Variants in CASD1 observed in about 807,000 individuals in gnomAD.
CASD1 encodes the protein N-acetylneuraminate (7)9-O-acetyltransferase.
CASD1 carries 41 observed loss-of-function variants against 100.0 expected under a neutral mutation model. That is an observed-to-expected ratio of 0.41 (90% CI 0.32 to 0.53). The LOEUF (loss-of-function observed/expected upper bound fraction) is 0.53. Ranked by LOEUF, CASD1 falls within the 20% of genes least tolerant of loss-of-function variation. CASD1 has a pLI of 0.25. For missense variants in CASD1, 774 were observed against 948.7 expected (o/e 0.82, Z 2.42); for synonymous variants, 321 against 315.6 (o/e 1.02, Z -0.18).
chr7:94,522,610 C>T (rs1455981784), intron 3 of CASD1, among the ~76,000 whole-genome samples: 3 of 151,950 alleles, frequency 2.0e-5, no homozygotes, highest in Non-Finnish European at 1.5e-5. Flanking sequence ...ACTTTACAAT[C>T]AGGGAAATGT....
At position 94,555,506 on chromosome 7, in the gene CASD1, G is replaced by A; in HGVS notation, c.2142G>A (p.Gln714=). The A allele has an allele frequency of 6.2e-7, 1 of 1,612,508 alleles. No homozygotes were observed. The highest frequency in any genetic ancestry group is 1.7e-5 in the Admixed American group (1 of 59,874). Residue 714 remains glutamine (Q), a synonymous_variant, in exon 18 of 18, where the codon CAG becomes CAA. Transcript: ENST00000297273. ...GKISLELFIC[Q]YHIWLAADTR... is the part of the protein sequence containing the mutation. Reference sequence around the variant, plus strand: ...TTTTCTCCTAGCTATTTATTTGCCAGTATCACATATGGCTGGCAGCGGACA... The same window carrying A: ...TTTTCTCCTAGCTATTTATTTGCCAATATCACATATGGCTGGCAGCGGACA...
chr7:94,559,310 G>GTGTGTGTGTGTA (rs1338360948), downstream of CASD1, among the ~76,000 whole-genome samples: 2 of 125,628 alleles, frequency 1.6e-5, no homozygotes, highest in East Asian at 4.4e-4. Flanking sequence ...GTGTGTATGT[G>GTGTGTGTGTGTA]TGTGTGTGTG....
intron 12 of CASD1, 38 bp from the exon 13 acceptor site, chr7:94,547,058 A>C: frequency 7.6e-7 from 1 of 1,307,754 alleles, no homozygotes; most frequent in Admixed American, 1.9e-5. Context: ...GTCTAATATA[A>C]ATTTATTTTT....
intron 3 of CASD1, among the ~76,000 whole-genome samples, chr7:94,523,752 C>T (rs1424912300): frequency 6.6e-6 from 1 of 152,080 alleles, no homozygotes; most frequent in Non-Finnish European, 1.5e-5. Context: ...ATAACCACAA[C>T]AAATCTGAAG....
At chr7:94,571,544 G>T in the CASD1 span, among the ~76,000 whole-genome samples, 1 of 152,166 alleles carries the variant, frequency 6.6e-6, no homozygotes, top group African/African-American at 2.4e-5. Context: ...AAGAAAATAA[G>T]AAACAGTATT....
Position 94,555,614 on chromosome 7 carries a change from T to A in CASD1, c.2250T>A (p.His750Gln). 6.2e-7 allele frequency: 1 copy of A among 1,613,622 alleles called. No individual in the cohort carries two copies. ...VSTFIFVCVA[H>Q]EISQITNDLA... is the part of the protein sequence containing the mutation. Reference sequence around the variant, plus strand: ...CTTTCATATTTGTTTGTGTGGCACATGAAATTTCTCAGATCACTAATGATC... The same window carrying A: ...CTTTCATATTTGTTTGTGTGGCACAAGAAATTTCTCAGATCACTAATGATC... Residue 750 changes from histidine (H) to glutamine (Q), a missense_variant, in exon 18 of 18, where the codon CAT becomes CAA. His to Gln is a conservative substitution (Grantham distance 24). This residue lies in a region of CASD1 where 175 missense variants were observed against 206.9 expected (regional missense o/e 0.85). Transcript: ENST00000297273.
the CASD1 span, chr7:94,624,419 T>A: frequency 2.6e-6 from 1 of 389,562 alleles, no homozygotes; most frequent in African/African-American, 2.1e-5. Flanking sequence ...AATTTTAAAC[T>A]TTTAACAATG....
chr7:94,532,081 T>C (rs1221860509), intron 5 of CASD1, among the ~76,000 whole-genome samples: 1 of 152,164 alleles, frequency 6.6e-6, no homozygotes, highest in East Asian at 1.9e-4. Context: ...ATAATTGTAC[T>C]GTAATATACT....
At chr7:94,630,236 CT>C in the CASD1 span, among the ~76,000 whole-genome samples, 2 of 151,480 alleles carry the variant, frequency 1.3e-5, no homozygotes, top group Admixed American at 6.6e-5. Context: ...TTCTTCTTTC[CT>C]TTTTTTTAAA....
the CASD1 span, among the ~76,000 whole-genome samples, chr7:94,596,978 TAA>T: frequency 6.6e-6 from 1 of 152,104 alleles, no homozygotes; most frequent in Non-Finnish European, 1.5e-5. Flanking sequence ...TAAAAAGGGA[TAA>T]GAGGTTGTTA....
chr7:94,542,557 T>C (rs1257440178), intron 10 of CASD1, among the ~76,000 whole-genome samples: 1 of 152,198 alleles, frequency 6.6e-6, no homozygotes. Flanking sequence ...AAAAATTACT[T>C]ATGGCTCACA....
rs1299643514 is a variant in CASD1 at position 94,556,937 on chromosome 7, T to A, written c.*1179T>A. Reference sequence around the variant, plus strand: ...CAGTATATGAAAATATGGAGTAATTTAAACAGTAAATAAACATTCTGTGGA... The same window carrying A: ...CAGTATATGAAAATATGGAGTAATTAAAACAGTAAATAAACATTCTGTGGA... On this transcript the variant is annotated 3_prime_UTR_variant, in exon 18 of 18. Transcript: ENST00000297273. 6.6e-6 allele frequency: 1 copy of A among 152,106 alleles called. No homozygotes were observed. Among genetic ancestry groups the A allele is most frequent in the Non-Finnish European group, 1.5e-5 (1 of 67,954 alleles). The allele number at this position is 152,106 out of a possible 1,614,324, so 9.4% of individuals were successfully genotyped here. A position where few individuals can be genotyped will look rare whatever the true frequency, so the allele number is the denominator to read the frequency against.
chr7:94,521,733 G>T (rs1287961958), intron 3 of CASD1, among the ~76,000 whole-genome samples: 2 of 152,056 alleles, frequency 1.3e-5, no homozygotes, highest in African/African-American at 2.4e-5. Flanking sequence ...AGCTGTTTTT[G>T]CATATATTAT....
chr7:94,573,758 G>T, the CASD1 span, among the ~76,000 whole-genome samples: 1 of 152,066 alleles, frequency 6.6e-6, no homozygotes, highest in Non-Finnish European at 1.5e-5. Flanking sequence ...AGGACTTCCA[G>T]TACTATCTTG....
the CASD1 span, among the ~76,000 whole-genome samples, chr7:94,595,602 A>G: frequency 9.0e-3 from 1,370 of 152,154 alleles, 19 homozygotes; most frequent in African/African-American, 0.031. Context: ...ATATAATATC[A>G]CATTTTAATC....
At chr7:94,544,299 C>G in intron 10 of CASD1, 112 bp from the exon 11 acceptor site, 1 of 1,288,908 alleles carries the variant, frequency 7.8e-7, no homozygotes, top group Admixed American at 2.2e-5. Context: ...TGTGATTGAG[C>G]TGATGCCAAA....
chr7:94,565,200 C>G, the CASD1 span, among the ~76,000 whole-genome samples: 1 of 151,998 alleles, frequency 6.6e-6, no homozygotes, highest in South Asian at 2.1e-4. Flanking sequence ...TACCTGGCCT[C>G]TATTATTTTG....
the CASD1 span, chr7:94,599,827 G>A: frequency 1.1e-6 from 1 of 887,282 alleles, no homozygotes; most frequent in Non-Finnish European, 1.9e-6. Flanking sequence ...TGCTGACATT[G>A]TCACTATTAA....
the CASD1 span, chr7:94,598,453 G>A: frequency 6.8e-6 from 2 of 294,926 alleles, no homozygotes; most frequent in East Asian, 1.7e-4. Context: ...AATTTGAAAT[G>A]CTTAGGATAT....
Sources: gnomAD v4.1 joint callset for allele counts (sites outside exome capture counted in the v4.1 genomes callset) on GRCh38, gnomAD v4.1.1 for gene constraint, gnomAD v4.1.1 regional missense constraint, MANE v1.5 for transcripts, NCBI Gene and HGNC (gene_info 2026-07-23, HGNC 2026-07-21) for gene names.